Variants in GALM observed in about 807,000 individuals in gnomAD.
GALM encodes the protein galactose mutarotase, also known as aldose 1-epimerase.
A neutral mutation model predicts 37.4 loss-of-function variants in GALM; 43 were observed. That is an observed-to-expected ratio of 1.15 (90% CI 0.90 to 1.48). The LOEUF (loss-of-function observed/expected upper bound fraction) is 1.48, where lower values mean the gene tolerates loss of function less well. Ranked by LOEUF, GALM falls within the 40% of genes most tolerant of loss-of-function variation. The pLI is 0.00. For synonymous variants in GALM, 199 were observed against 170.6 expected, an observed-to-expected ratio of 1.17 and a Z score of -1.30; for missense variants, 456 against 419.1, an observed-to-expected ratio of 1.09 and a Z score of -0.77.
rs1666671190 is a variant in GALM, at chr2:38,734,615, T to C, written c.*1050T>C. 1 of 150,838 alleles carries C rather than the reference T, an allele frequency of 6.6e-6. No individual in the cohort carries two copies. The highest frequency in any genetic ancestry group is 2.4e-5 in the African/African-American group (1 of 40,904). The allele number at this position is 150,838 out of a possible 1,614,324, so 9.3% of individuals were successfully genotyped here. On this transcript the variant is annotated 3_prime_UTR_variant, in exon 7 of 7. Coordinates refer to ENST00000272252, the MANE Select transcript of GALM (RefSeq NM_138801.3). ...ATGACATTGCACCAGGGACAGAGAT[T>C]GTATGTGACAAGGCTGGGGCTCCTT...
chr2:38,705,935 C>A (rs962316079), intron 4 of GALM, among the ~76,000 whole-genome samples: 2 of 152,018 alleles, frequency 1.3e-5, no homozygotes, highest in African/African-American at 4.8e-5. Context: ...TCCAACTTCC[C>A]GCTCTGGGTT....
chr2:38,722,900 C>T (rs577631550), intron 4 of GALM, among the ~76,000 whole-genome samples: 2 of 152,292 alleles, frequency 1.3e-5, no homozygotes, highest in Non-Finnish European at 2.9e-5. Context: ...AGATGTGTCA[C>T]CTCGGGCAAG....
At chr2:38,689,634 TGCTATTTTGAG>T (rs1397415703) in intron 3 of GALM, among the ~76,000 whole-genome samples, 168 bp from the exon 4 acceptor site, 4 of 152,224 alleles carry the variant, frequency 2.6e-5, no homozygotes, top group Non-Finnish European at 5.9e-5. Flanking sequence ...ATTTATCTGT[TGCTATTTTGAG>T]GCCTTATCTA....
At chr2:38,719,275 G>A (rs905644935) in intron 4 of GALM, among the ~76,000 whole-genome samples, 2 of 151,664 alleles carry the variant, frequency 1.3e-5, no homozygotes, top group Non-Finnish European at 2.9e-5. Context: ...TTCAAGACCA[G>A]CTTGGCCAAG....
intron 3 of GALM, among the ~76,000 whole-genome samples, chr2:38,684,830 C>CA (rs202152372): frequency 0.027 from 4,090 of 151,924 alleles, 178 homozygotes; most frequent in African/African-American, 0.092. Flanking sequence ...AACAAACAAA[C>CA]AAAAAAACAA....
intron 4 of GALM, among the ~76,000 whole-genome samples, chr2:38,718,190 TC>T (rs1666307016): frequency 9.4e-6 from 1 of 106,562 alleles, no homozygotes; most frequent in Non-Finnish European, 2.0e-5. Context: ...TTTCTTTTTT[TC>T]TTTTCTTTTT....
rs141218150 is a variant in GALM at position 38,681,758 on chromosome 2, T to C, written c.552+272T>C. On this transcript the variant is annotated intron_variant, in intron 3 of 6. Transcript: ENST00000272252. ...GTTTCAAGAACTCCCTCTCAGAATC[T>C]AATTGTAACATGTGCTTATATTTGC... 7.3e-3 allele frequency among the ~76,000 whole-genome samples: 1,110 copies of C among 152,380 alleles called. 6 individuals carry two copies. The highest frequency in any genetic ancestry group is 0.017 in the South Asian group (80 of 4,830).
intron 1 of GALM, among the ~76,000 whole-genome samples, chr2:38,670,778 G>C (rs1665080425): frequency 6.6e-6 from 1 of 152,124 alleles, no homozygotes; most frequent in South Asian, 2.1e-4. Flanking sequence ...GCAAAAAATG[G>C]CATGGAGATT....
intron 4 of GALM, 109 bp downstream of exon 4, chr2:38,690,003 T>C: frequency 1.6e-6 from 1 of 633,292 alleles, no homozygotes; most frequent in Admixed American, 3.2e-5. Context: ...GTCTACAGTT[T>C]AGTTAATAGA....
chr2:38,695,890 G>T (rs1665794337), intron 4 of GALM, among the ~76,000 whole-genome samples: 2 of 151,970 alleles, frequency 1.3e-5, no homozygotes, highest in Admixed American at 6.6e-5. Context: ...GTAGAAATGG[G>T]GTTTCACCAT....
In GALM at chr2:38,681,475, C is replaced by A; in HGVS notation, c.541C>A (p.Leu181Met). ...VNLTNHSYFN[L>M]AGQASPNIND... ...CCTGACCAACCATTCTTACTTCAAC[C>A]TGGCAGGCCAGGTAAGTGAACTTGT... Residue 181 changes from leucine to methionine, a missense_variant, in exon 3 of 7, where the codon CTG becomes ATG. Physicochemically the swap from Leu to Met is conservative, Grantham distance 15. Coordinates refer to ENST00000272252, the MANE Select transcript of GALM (RefSeq NM_138801.3). The A allele has an allele frequency of 6.2e-7, 1 of 1,613,830 alleles. No individual in the cohort carries two copies. The highest frequency in any genetic ancestry group is 8.5e-7 in the Non-Finnish European group (1 of 1,179,700).
chr2:38,693,765 A>T (rs552943988), intron 4 of GALM, among the ~76,000 whole-genome samples: 5 of 152,358 alleles, frequency 3.3e-5, no homozygotes, highest in African/African-American at 1.2e-4. Context: ...GAGTTAAAGT[A>T]CCTTACAGAG....
intron 3 of GALM, among the ~76,000 whole-genome samples, chr2:38,686,985 G>C (rs1290668186): frequency 6.6e-6 from 1 of 152,154 alleles, no homozygotes; most frequent in Non-Finnish European, 1.5e-5. Context: ...ATTCAGCTCT[G>C]TATGTGGGCT....
chr2:38,692,366 G>T (rs914232033), intron 4 of GALM, among the ~76,000 whole-genome samples: 2 of 152,062 alleles, frequency 1.3e-5, no homozygotes, highest in Admixed American at 1.3e-4. Context: ...CACATGTCTG[G>T]CCCACTTTCC....
At chr2:38,668,930 T>G (rs1236009587) in intron 1 of GALM, 1 of 152,190 alleles carries the variant, frequency 6.6e-6, no homozygotes, top group Non-Finnish European at 1.5e-5. Flanking sequence ...ATGGTCCTTT[T>G]GTAACTGCAG....
intron 4 of GALM, among the ~76,000 whole-genome samples, chr2:38,704,331 T>C (rs1407883996): frequency 1.3e-5 from 2 of 152,088 alleles, no homozygotes. Flanking sequence ...CCTGCATAGC[T>C]AGGATCACAG....
At chr2:38,697,856 G>A (rs190552971) in intron 4 of GALM, among the ~76,000 whole-genome samples, 53 of 152,194 alleles carry the variant, frequency 3.5e-4, no homozygotes, top group African/African-American at 1.2e-3. Context: ...CCGGCATTTA[G>A]ACCTCTACCC....
chr2:38,698,799 G>C (rs1447013988), intron 4 of GALM, among the ~76,000 whole-genome samples: 1 of 152,138 alleles, frequency 6.6e-6, no homozygotes, highest in East Asian at 1.9e-4. Flanking sequence ...TTTTGAGATG[G>C]GGTCTCACTA....
At chr2:38,675,621 T>C (rs532575034) in intron 1 of GALM, among the ~76,000 whole-genome samples, 33 of 141,050 alleles carry the variant, frequency 2.3e-4, no homozygotes, top group African/African-American at 7.8e-4. Flanking sequence ...CAGGCTGGAA[T>C]GCAGTGGCGC....
Sources: allele counts gnomAD v4.1 joint callset (sites outside exome capture counted in the v4.1 genomes callset), GRCh38; gene constraint gnomAD v4.1.1; transcripts MANE v1.5; gene names NCBI Gene and HGNC (gene_info 2026-07-23, HGNC 2026-07-21).